CSMD1: variants seen among roughly 807,000 people sequenced by gnomAD.
CSMD1 encodes the protein CUB and Sushi multiple domains 1, also known as CUB and sushi domain-containing protein 1.
CSMD1 carries 213 observed loss-of-function variants against 417.5 expected under a neutral mutation model. The ratio of observed to expected loss-of-function variants is 0.51; its 90% CI spans 0.46 to 0.57. CSMD1 has a LOEUF of 0.57. Ranked by LOEUF, CSMD1 falls within the 20% of genes least tolerant of loss-of-function variation. The probability of loss-of-function intolerance (pLI) is 0.00; values close to 1 mark genes in which losing one functional copy is unlikely to be tolerated. For missense variants in CSMD1, 6,923 were observed against 4,529.7 expected (o/e 1.53, Z -15.17); for synonymous variants, 2,862 against 1,736.8 (o/e 1.65, Z -16.11).
At chr8:3,592,615 A>C (rs542865056) in intron 8 of CSMD1, among the ~76,000 whole-genome samples, 2 of 152,230 alleles carry the variant, frequency 1.3e-5, no homozygotes, top group Middle Eastern at 3.4e-3. Flanking sequence ...CAAAGCTGTG[A>C]GCAGGAGGAA....
At chr8:4,657,328 T>G (rs1054161437) in intron 1 of CSMD1, among the ~76,000 whole-genome samples, 3 of 152,182 alleles carry the variant, frequency 2.0e-5, no homozygotes, top group Admixed American at 6.5e-5. Context: ...AAGGGTCAAC[T>G]GGCAGACTGA....
chr8:4,026,336 C>G (rs548874751), intron 4 of CSMD1, among the ~76,000 whole-genome samples: 1 of 152,160 alleles, frequency 6.6e-6, no homozygotes, highest in African/African-American at 2.4e-5. Context: ...ATGTAATAAT[C>G]TATAATACAG....
chr8:4,704,496 C>G (rs1807792630), intron 1 of CSMD1, among the ~76,000 whole-genome samples: 1 of 152,120 alleles, frequency 6.6e-6, no homozygotes, highest in Non-Finnish European at 1.5e-5. Flanking sequence ...TTTTGTAGTA[C>G]TATTTTCTCC....
chr8:3,562,862 C>A (rs886114828), intron 10 of CSMD1, among the ~76,000 whole-genome samples: 6 of 151,860 alleles, frequency 4.0e-5, no homozygotes, highest in African/African-American at 1.5e-4. Context: ...GTACAACAAA[C>A]CCCCATGACA....
intron 5 of CSMD1, among the ~76,000 whole-genome samples, chr8:3,805,773 C>T (rs1585026140): frequency 6.6e-6 from 1 of 152,116 alleles, no homozygotes; most frequent in Non-Finnish European, 1.5e-5. Flanking sequence ...TCCCCTACCC[C>T]AGTCTTTGTG....
chr8:3,654,252 T>C (rs563226386), intron 7 of CSMD1, among the ~76,000 whole-genome samples: 2 of 152,322 alleles, frequency 1.3e-5, no homozygotes, highest in East Asian at 1.9e-4. Flanking sequence ...CAGGGACTTA[T>C]TTAAAATGAC....
At chr8:4,359,364 A>T (rs1302414611) in intron 3 of CSMD1, among the ~76,000 whole-genome samples, 1 of 152,248 alleles carries the variant, frequency 6.6e-6, no homozygotes, top group Non-Finnish European at 1.5e-5. Context: ...AATTATCTAC[A>T]GAAATTATCA....
intron 11 of CSMD1, among the ~76,000 whole-genome samples, chr8:3,488,620 C>G (rs574391839): frequency 1.3e-5 from 2 of 152,288 alleles, no homozygotes; most frequent in East Asian, 1.9e-4. Context: ...ATGGCTTATT[C>G]TCTCTCTGCC....
chr8:4,773,279 T>C (rs1031977100), intron 1 of CSMD1, among the ~76,000 whole-genome samples: 6 of 152,180 alleles, frequency 3.9e-5, no homozygotes, highest in Non-Finnish European at 8.8e-5. Flanking sequence ...GGATACTCAA[T>C]CTACACCAAG....
intron 4 of CSMD1, among the ~76,000 whole-genome samples, chr8:4,005,099 G>A (rs1816003092): frequency 6.6e-6 from 1 of 152,086 alleles, no homozygotes; most frequent in Non-Finnish European, 1.5e-5. Context: ...AGGATGCAAA[G>A]GAATAGGAAT....
intron 1 of CSMD1, among the ~76,000 whole-genome samples, chr8:4,940,568 C>A (rs4584160): frequency 6.6e-6 from 1 of 152,004 alleles, no homozygotes; most frequent in African/African-American, 2.4e-5. Context: ...CAACTAGCCT[C>A]GTGAAGTTTA....
intron 11 of CSMD1, among the ~76,000 whole-genome samples, chr8:3,480,233 A>G (rs1817660929): frequency 6.6e-6 from 1 of 152,098 alleles, no homozygotes; most frequent in Non-Finnish European, 1.5e-5. Context: ...GTGGTGGCAC[A>G]CACCTGTAGT....
chr8:4,039,252 T>C lies in CSMD1; in HGVS notation c.416-7153A>G, dbSNP rs115257960. Among the ~76,000 whole-genome samples the C allele has an allele frequency of 6.3e-3, 953 of 152,296 alleles. 7 individuals are homozygous for C. The highest frequency in any genetic ancestry group is 0.022 in the African/African-American group (917 of 41,552). Reference sequence around the variant, plus strand: ...CTTTGCCTCTGTAGTAGTCTCCTGGTAGCTTAAGAAAATATAACTCCAAAT... The same window carrying C: ...CTTTGCCTCTGTAGTAGTCTCCTGGCAGCTTAAGAAAATATAACTCCAAAT... On this transcript the variant is annotated intron_variant, in intron 3 of 69. Coordinates refer to ENST00000635120, the MANE Select transcript of CSMD1 (RefSeq NM_033225.6).
chr8:3,735,722 G>A (rs908245068), intron 6 of CSMD1, among the ~76,000 whole-genome samples: 5 of 152,170 alleles, frequency 3.3e-5, no homozygotes, highest in South Asian at 2.1e-4. Flanking sequence ...ACAGAAACTC[G>A]TTTGGAGCAA....
intron 3 of CSMD1, among the ~76,000 whole-genome samples, chr8:4,246,664 C>CA (rs1000936304): frequency 1.3e-5 from 2 of 152,030 alleles, no homozygotes; most frequent in African/African-American, 4.8e-5. Flanking sequence ...GCAAAAGAAA[C>CA]AAAAAACAAC....
intron 3 of CSMD1, among the ~76,000 whole-genome samples, chr8:4,147,070 T>G (rs1309120120): frequency 6.6e-6 from 1 of 151,864 alleles, no homozygotes; most frequent in Non-Finnish European, 1.5e-5. Context: ...CTGCCCTAAC[T>G]CCAGCTGTCC....
At chr8:4,722,441 A>T (rs1389092866) in intron 1 of CSMD1, among the ~76,000 whole-genome samples, 1 of 152,142 alleles carries the variant, frequency 6.6e-6, no homozygotes, top group Non-Finnish European at 1.5e-5. Context: ...TTCTAAGTGA[A>T]GTGAAAATGC....
At chr8:4,786,593 G>C (rs749721582) in intron 1 of CSMD1, among the ~76,000 whole-genome samples, 2 of 152,156 alleles carry the variant, frequency 1.3e-5, no homozygotes, top group Admixed American at 6.5e-5. Flanking sequence ...TGGCATTTGA[G>C]GCATCAACAT....
chr8:4,167,624 G>C (rs879324807), intron 3 of CSMD1, among the ~76,000 whole-genome samples: 3 of 152,196 alleles, frequency 2.0e-5, no homozygotes, highest in African/African-American at 4.8e-5. Flanking sequence ...GTGGGGGACA[G>C]ATAAATCCAT....
Sources: allele counts gnomAD v4.1 joint callset (sites outside exome capture counted in the v4.1 genomes callset), GRCh38; gene constraint gnomAD v4.1.1; transcripts MANE v1.5; gene names NCBI Gene and HGNC (gene_info 2026-07-23, HGNC 2026-07-21).